Variants in SLIT3 observed in about 807,000 individuals in gnomAD.
The protein encoded by SLIT3 is slit homolog 3 protein.
SLIT3 carries 68 observed loss-of-function variants against 184.0 expected under a neutral mutation model. The ratio of observed to expected loss-of-function variants is 0.37; its 90% CI spans 0.30 to 0.45. The LOEUF is 0.45. Ranked by LOEUF, SLIT3 falls within the 20% of genes least tolerant of loss-of-function variation. SLIT3 has a pLI of 1.00. For synonymous variants in SLIT3, 831 were observed against 828.6 expected (o/e 1.00, Z -0.05); for missense variants, 1,707 against 2,026.0 (o/e 0.84, Z 3.02).
At chr5:169,179,893 C>T (rs1057088296) in intron 4 of SLIT3, among the ~76,000 whole-genome samples, 1 of 152,084 alleles carries the variant, frequency 6.6e-6, no homozygotes, top group Non-Finnish European at 1.5e-5. Context: ...GTGCTAGATG[C>T]AGTGGTAGGT....
chr5:168,870,715 C>G (rs764266755), intron 5 of SLIT3, among the ~76,000 whole-genome samples: 1 of 152,190 alleles, frequency 6.6e-6, no homozygotes, highest in Admixed American at 6.5e-5. Flanking sequence ...ATTTTTCAAG[C>G]CTTTTTTCTC....
intron 12 of SLIT3, among the ~76,000 whole-genome samples, chr5:168,775,217 T>A (rs1462177415): frequency 6.6e-6 from 1 of 151,892 alleles, no homozygotes; most frequent in Non-Finnish European, 1.5e-5. Flanking sequence ...TTTGTATTTT[T>A]AGTAGAGACG....
Position 169,251,403 on chromosome 5 carries a change from T to C in SLIT3, c.254A>G (p.Lys85Arg), listed in dbSNP as rs374692501. The change falls in exon 2 of 36, where the codon AAG becomes AGG. Residue 85 changes from lysine (K) to arginine (R), a missense_variant. Transcript: ENST00000519560. ...AACTACTTACAAGACTCGGAGGTTC[T>C]TGAGCCCAGCGAAGTCCATCTTGGT... ...RITKMDFAGLKNLRVLHLEDN... is the reference protein window; with the variant it reads ...RITKMDFAGLRNLRVLHLEDN... The C allele has an allele frequency of 2.5e-5, 41 of 1,612,760 alleles. No individual in the cohort carries two copies. Among genetic ancestry groups the C allele is most frequent in the Non-Finnish European group, 3.0e-5 (35 of 1,178,844 alleles).
At chr5:168,671,598 TTCAAACGAGGTTAACGGG>T (rs1451788106) in intron 33 of SLIT3, 115 bp from the exon 34 acceptor site, 1 of 1,229,042 alleles carries the variant, frequency 8.1e-7, no homozygotes, top group Non-Finnish European at 1.1e-6. Context: ...GCCTCTGCTG[TTCAAACGAGGTTAACGGG>T]CCAAAACCTC....
intron 1 of SLIT3, among the ~76,000 whole-genome samples, chr5:169,255,536 C>A (rs150815481): frequency 9.9e-5 from 15 of 152,108 alleles, no homozygotes; most frequent in African/African-American, 3.1e-4. Context: ...ATACAGTTTG[C>A]GTTTTAAGCT....
At chr5:169,184,794 A>G (rs574093647) in intron 4 of SLIT3, among the ~76,000 whole-genome samples, 19 of 152,336 alleles carry the variant, frequency 1.2e-4, no homozygotes, top group African/African-American at 4.3e-4. Context: ...ACTTCGGAAT[A>G]TGTTAGACAT....
At chr5:169,138,796 C>T (rs1389470893) in intron 4 of SLIT3, among the ~76,000 whole-genome samples, 2 of 152,192 alleles carry the variant, frequency 1.3e-5, no homozygotes, top group Non-Finnish European at 1.5e-5. Flanking sequence ...CTGGGTATCC[C>T]ACAATCTCTG....
Position 168,753,874 on chromosome 5 carries a change from G to T in SLIT3, c.1819C>A (p.Leu607Ile), listed in dbSNP as rs1279530013. 4 of 1,610,690 alleles carry T rather than the reference G, an allele frequency of 2.5e-6. No homozygotes were observed. The highest frequency in any genetic ancestry group is 2.1e-4 in the Middle Eastern group (1 of 4,852). The change falls in exon 17 of 36, where the codon CTC (leucine) becomes ATC (isoleucine). Residue 607 changes from leucine to isoleucine, a missense_variant. This residue lies in a region of SLIT3 where 1,307 missense variants were observed against 1,511.6 expected (regional missense o/e 0.86). Transcript: ENST00000519560. ...HGRVFRGLSG[L>I]KTLMLRSNLI... ...ACCCCAGGCACTCACAAGGTTTTGA[G>T]GCCACTGAGGCCACGGAACACGCGC...
At chr5:168,909,843 C>T (rs10475896) in intron 4 of SLIT3, among the ~76,000 whole-genome samples, 15 of 152,258 alleles carry the variant, frequency 9.9e-5, no homozygotes, top group African/African-American at 2.9e-4. Flanking sequence ...CCAAGATCTC[C>T]GGACTTATCT....
At chr5:168,917,319 G>T (rs745374562) in intron 4 of SLIT3, among the ~76,000 whole-genome samples, 9 of 152,104 alleles carry the variant, frequency 5.9e-5, no homozygotes, top group Non-Finnish European at 1.2e-4. Flanking sequence ...GGATTTTAAC[G>T]GCTCTGAACC....
intron 4 of SLIT3, among the ~76,000 whole-genome samples, chr5:169,052,951 G>T (rs1326708001): frequency 1.3e-5 from 2 of 152,168 alleles, no homozygotes; most frequent in Non-Finnish European, 2.9e-5. Flanking sequence ...AGGCTGAAAG[G>T]CACCGATGCC....
chr5:169,096,190 A>G (rs994955241), intron 4 of SLIT3, among the ~76,000 whole-genome samples: 2 of 152,210 alleles, frequency 1.3e-5, no homozygotes, highest in Admixed American at 6.5e-5. Context: ...ACATTACTCA[A>G]TGTAGATAGA....
intron 29 of SLIT3, among the ~76,000 whole-genome samples, chr5:168,687,745 C>T (rs375787942): frequency 1.1e-4 from 16 of 152,154 alleles, no homozygotes; most frequent in African/African-American, 3.6e-4. Context: ...GTGCATTAAA[C>T]GTTAAATATT....
chr5:168,726,265 T>A (rs571514204), intron 20 of SLIT3, among the ~76,000 whole-genome samples: 1 of 150,768 alleles, frequency 6.6e-6, no homozygotes, highest in Non-Finnish European at 1.5e-5. Flanking sequence ...GATTATGATG[T>A]ACCAAGTATC....
chr5:169,097,135 C>A (rs1176156478), intron 4 of SLIT3, among the ~76,000 whole-genome samples: 1 of 152,158 alleles, frequency 6.6e-6, no homozygotes, highest in Non-Finnish European at 1.5e-5. Context: ...TTGTTAGGAC[C>A]CATGAGGCTG....
At chr5:168,708,436 G>A in intron 25 of SLIT3, 1 of 338,392 alleles carries the variant, frequency 3.0e-6, no homozygotes. Context: ...TCATATTCCA[G>A]GAAGCTCTGG....
chr5:168,769,628 C>T (rs1755474039), intron 14 of SLIT3, among the ~76,000 whole-genome samples: 1 of 152,164 alleles, frequency 6.6e-6, no homozygotes, highest in Non-Finnish European at 1.5e-5. Flanking sequence ...TCTGTGAACA[C>T]TGTGGTTCTG....
chr5:169,179,775 A>G (rs1250660253), intron 4 of SLIT3, among the ~76,000 whole-genome samples: 1 of 152,174 alleles, frequency 6.6e-6, no homozygotes, highest in Non-Finnish European at 1.5e-5. Flanking sequence ...CTGGTTTGGA[A>G]CAAAAGGCAC....
At chr5:169,032,725 A>G (rs116778236) in intron 4 of SLIT3, among the ~76,000 whole-genome samples, 148 of 151,628 alleles carry the variant, frequency 9.8e-4, no homozygotes, top group Middle Eastern at 6.8e-3. Flanking sequence ...AATCTAAACT[A>G]TCTAACAGGA....
Sources: gnomAD v4.1 joint callset for allele counts (sites outside exome capture counted in the v4.1 genomes callset) on GRCh38, gnomAD v4.1.1 for gene constraint, gnomAD v4.1.1 regional missense constraint, MANE v1.5 for transcripts, NCBI Gene and HGNC (gene_info 2026-07-23, HGNC 2026-07-21) for gene names.